The following POLR2F variants were observed in gnomAD, a reference collection of about 807,000 sequenced individuals.
The protein encoded by POLR2F is RNA polymerase II, I and III subunit F.
Under a neutral mutation model 22.7 loss-of-function variants are expected in POLR2F, and 12 were observed. The ratio of observed to expected loss-of-function variants is 0.53; its 90% CI spans 0.34 to 0.86. The LOEUF (loss-of-function observed/expected upper bound fraction) is 0.86. Among genes scored for constraint, POLR2F ranks in the 40% least tolerant of loss-of-function variants. The pLI is 0.02. For synonymous variants in POLR2F, 57 were observed against 66.0 expected, an observed-to-expected ratio of 0.86 and a Z score of 0.66; for missense variants, 126 against 171.5, an observed-to-expected ratio of 0.73 and a Z score of 1.48.
At chr22:38,003,086 A>G (rs764478616) in intron 1 of POLR2F, among the ~76,000 whole-genome samples, 6 of 152,112 alleles carry the variant, frequency 3.9e-5, no homozygotes, top group Non-Finnish European at 7.4e-5. Flanking sequence ...GGGAAAGCAC[A>G]TGGAAAATTA....
intron 1 of POLR2F, among the ~76,000 whole-genome samples, chr22:38,019,955 G>A (rs1278806346): frequency 2.6e-5 from 4 of 151,964 alleles, no homozygotes; most frequent in African/African-American, 7.3e-5. Flanking sequence ...CAGAGGTTGC[G>A]GTGAGCCGAG....
intron 1 of POLR2F, among the ~76,000 whole-genome samples, chr22:38,011,531 C>T (rs930740437): frequency 5.3e-5 from 8 of 151,242 alleles, no homozygotes; most frequent in African/African-American, 1.5e-4. Context: ...CTGTTCTTTC[C>T]CTATTGACTT....
chr22:38,009,222 C>T (rs2084850905), intron 1 of POLR2F, among the ~76,000 whole-genome samples: 1 of 152,190 alleles, frequency 6.6e-6, no homozygotes, highest in African/African-American at 2.4e-5. Context: ...GCGACATGGG[C>T]TCGTACTCCA....
At position 37,967,903 on chromosome 22, in the gene POLR2F, CAGCTCCTTAAGA is replaced by C; in HGVS notation, c.*192_*203del. ...CCTATTCCAGTGGCCCTGTGACTGT[CAGCTCCTTAAGA>C]AGCACCAGGGGCCCTTAGCCCCTTT... On this transcript the variant is annotated 3_prime_UTR_variant, in exon 5 of 5. Transcript: ENST00000442738. The C allele has an allele frequency of 1.5e-6, 2 of 1,328,840 alleles. No homozygotes were observed. Among genetic ancestry groups the C allele is most frequent in the Non-Finnish European group, 9.6e-7 (1 of 1,041,548 alleles). 82.3% of individuals were successfully genotyped at this position (1,328,840 alleles called of 1,614,324 possible).
intron 3 of POLR2F, among the ~76,000 whole-genome samples, chr22:37,964,572 C>CTTTTTTTT (rs11428366): frequency 1.5e-5 from 2 of 131,304 alleles, no homozygotes; most frequent in Non-Finnish European, 3.2e-5. Flanking sequence ...TTCTTTCTTT[C>CTTTTTTTT]TTTTTTTTTT....
upstream of POLR2F, chr22:37,985,997 C>G: frequency 8.0e-7 from 1 of 1,255,594 alleles, no homozygotes; most frequent in Non-Finnish European, 1.0e-6. Context: ...TCGACGCCAC[C>G]CCCGGCGCTG....
At chr22:37,973,968 C>T (rs781711939), downstream of POLR2F, 5 of 1,611,990 alleles carry the variant, frequency 3.1e-6, no homozygotes, top group Admixed American at 3.3e-5. Flanking sequence ...TAGCTGCTCA[C>T]ATGGCCTGGG....
upstream of POLR2F, among the ~76,000 whole-genome samples, chr22:37,981,661 C>T (rs142654396): frequency 6.6e-6 from 1 of 152,162 alleles, no homozygotes; most frequent in Admixed American, 6.5e-5. Context: ...CAGAGTCTGC[C>T]CTATCTGTAT....
In POLR2F at chr22:37,986,495, C is replaced by T; in HGVS notation, c.120+183C>T. On this transcript the variant is annotated intron_variant, in intron 1 of 2. Coordinates refer to the POLR2F transcript ENST00000333418. This position sits in a 1 kb window ranked among gnomAD's most constrained non-coding sequence, Gnocchi z 4.7. The stretch of plus-strand genomic sequence containing the variant: ...TCCCACAGCTGCCCCCTCTCTAACT[C>T]CCTGCTTCCTCCTTTGCCCTCCTTG... The T allele has an allele frequency of 7.4e-7, 1 of 1,360,532 alleles. No homozygotes were observed. The highest frequency in any genetic ancestry group is 1.0e-6 in the Non-Finnish European group (1 of 987,416). 84.3% of individuals were successfully genotyped at this position (1,360,532 alleles called of 1,614,324 possible). A position where few individuals can be genotyped will look rare whatever the true frequency, so the allele number is the denominator to read the frequency against.
chr22:38,041,049 T>C, intron 5 of POLR2F: 1 of 1,612,872 alleles, frequency 6.2e-7, no homozygotes, highest in Non-Finnish European at 8.5e-7. Flanking sequence ...ACCGTAGTTA[T>C]CCCTGTGTTA....
At chr22:37,959,671 G>C (rs1181630097) in intron 3 of POLR2F, among the ~76,000 whole-genome samples, 195 bp downstream of exon 3, 2 of 151,278 alleles carry the variant, frequency 1.3e-5, no homozygotes, top group Non-Finnish European at 2.9e-5. Flanking sequence ...GGAGAACTAG[G>C]ACATGAACAT....
At chr22:37,973,484 C>T, downstream of POLR2F, 2 of 1,549,324 alleles carry the variant, frequency 1.3e-6, no homozygotes, top group Non-Finnish European at 1.8e-6. Flanking sequence ...GTGGTGGCGA[C>T]AGGGCCCCCT....
intron 5 of POLR2F, among the ~76,000 whole-genome samples, chr22:38,038,811 G>A (rs1405962616): frequency 3.3e-5 from 2 of 60,480 alleles, no homozygotes; most frequent in Admixed American, 2.0e-4. Context: ...CCCGCACCCC[G>A]GGGCTGCGCG....
At position 37,967,746 on chromosome 22, in the gene POLR2F, G is replaced by A. The variant is rs1362548018; in HGVS notation, c.*31G>A. On this transcript the variant is annotated 3_prime_UTR_variant, in exon 5 of 5. Coordinates refer to ENST00000442738, the MANE Select transcript of POLR2F (RefSeq NM_021974.5). ...AGTCATCTTCCTGCCCTTGCCCCAT[G>A]CCCAATTTTCATTCTCACTTTATAT... 7.5e-6 allele frequency: 12 copies of A among 1,593,116 alleles called. No homozygotes were observed. Among genetic ancestry groups the A allele is most frequent in the Non-Finnish European group, 1.0e-5 (12 of 1,172,052 alleles).
rs61381691 is a variant in POLR2F at position 38,018,256 on chromosome 22, G to A, written c.121-7613G>A. 9.9e-3 allele frequency among the ~76,000 whole-genome samples: 1,505 copies of A among 152,336 alleles called. 28 individuals carry two copies. Among genetic ancestry groups the A allele is most frequent in the African/African-American group, 0.035 (1,457 of 41,572 alleles). On this transcript the variant is annotated intron_variant, in intron 1 of 2. Transcript: ENST00000333418. ...TAGGCTTGAGCCAGGTTAAGGGTTC[G>A]GTGTAGGGTTAGGATCAGGGCTATG...
In POLR2F at chr22:37,974,341, A is replaced by G; in HGVS notation, c.293+7171A>G. 1 of 623,046 alleles carries G rather than the reference A, an allele frequency of 1.6e-6. No individual in the cohort carries two copies. Among genetic ancestry groups the G allele is most frequent in the Non-Finnish European group, 2.8e-6 (1 of 360,796 alleles). 38.6% of individuals were successfully genotyped at this position (623,046 alleles called of 1,614,324 possible). ...GTAAGTTTCACATTTTGGCAGCATG[A>G]GTCGGGTTTTTTTTTGTTTTTTTTT... On this transcript the variant is annotated intron_variant, in intron 4 of 4. Transcript: ENST00000405557. This position sits in a 1 kb window ranked among gnomAD's most constrained non-coding sequence, Gnocchi z 5.4.
At chr22:37,967,368 T>C in intron 4 of POLR2F, 198 bp downstream of exon 4, 2 of 1,448,322 alleles carry the variant, frequency 1.4e-6, no homozygotes, top group Middle Eastern at 2.4e-4. Context: ...TGATGAGACA[T>C]GGACGTCTTC....
chr22:38,011,546 C>G (rs915305423), intron 1 of POLR2F, among the ~76,000 whole-genome samples: 1 of 149,840 alleles, frequency 6.7e-6, no homozygotes, highest in Non-Finnish European at 1.5e-5. Flanking sequence ...TGACTTGTCT[C>G]TTACACCTTA....
downstream of POLR2F, among the ~76,000 whole-genome samples, chr22:38,027,606 A>G (rs1307011869): frequency 1.3e-5 from 2 of 152,176 alleles, no homozygotes; most frequent in African/African-American, 4.8e-5. Flanking sequence ...ATCCTCCTCC[A>G]TCAGAGCTTG....
Sources: gnomAD v4.1 joint callset for allele counts (sites outside exome capture counted in the v4.1 genomes callset) on GRCh38, gnomAD v4.1.1 for gene constraint, Gnocchi (gnomAD v3.1) non-coding constraint, MANE v1.5 for transcripts, NCBI Gene and HGNC (gene_info 2026-07-23, HGNC 2026-07-21) for gene names.